Variants in SLCO6A1 observed in about 807,000 individuals in gnomAD.
SLCO6A1 encodes the protein solute carrier organic anion transporter family member 6A1.
In SLCO6A1, 65 loss-of-function variants were observed where a neutral mutation model predicts 72.7. That is an observed-to-expected ratio of 0.89 (90% CI 0.73 to 1.10). The LOEUF (loss-of-function observed/expected upper bound fraction) is 1.10, where lower values mean the gene tolerates loss of function less well. SLCO6A1 is among the 50% of genes least tolerant of loss of function. SLCO6A1 has a pLI of 0.00. For missense variants in SLCO6A1, 874 were observed against 872.6 expected, an observed-to-expected ratio of 1.00 and a Z score of -0.02; for synonymous variants, 314 against 298.2, an observed-to-expected ratio of 1.05 and a Z score of -0.55.
chr5:102,383,610 A>G (rs1746246212), intron 12 of SLCO6A1, among the ~76,000 whole-genome samples: 1 of 151,804 alleles, frequency 6.6e-6, no homozygotes, highest in East Asian at 1.9e-4. Context: ...TATTTTCTTG[A>G]GGATTTCAGC....
chr5:102,396,787 T>C (rs1747108561), intron 10 of SLCO6A1, among the ~76,000 whole-genome samples: 2 of 152,182 alleles, frequency 1.3e-5, no homozygotes, highest in South Asian at 2.1e-4. Context: ...TGACATCTTA[T>C]ATAAATGTAA....
intron 6 of SLCO6A1, among the ~76,000 whole-genome samples, chr5:102,452,309 A>G (rs910389794): frequency 6.6e-6 from 1 of 151,980 alleles, no homozygotes; most frequent in African/African-American, 2.4e-5. Context: ...TCCAGGATTT[A>G]TTTTTTTGCT....
intron 12 of SLCO6A1, among the ~76,000 whole-genome samples, chr5:102,377,803 C>G (rs1375676563): frequency 6.6e-6 from 1 of 151,646 alleles, no homozygotes; most frequent in Non-Finnish European, 1.5e-5. Flanking sequence ...TCCCGAGTAT[C>G]TGGGACTATA....
chr5:102,433,752 C>T (rs1749348114), intron 7 of SLCO6A1, among the ~76,000 whole-genome samples: 2 of 152,140 alleles, frequency 1.3e-5, no homozygotes, highest in South Asian at 4.1e-4. Context: ...CCAGCAACAG[C>T]AGCAGCGGCA....
intron 12 of SLCO6A1, among the ~76,000 whole-genome samples, chr5:102,385,603 T>G (rs1746367765): frequency 6.6e-6 from 1 of 152,174 alleles, no homozygotes; most frequent in Admixed American, 6.5e-5. Context: ...AAGTTCTCTA[T>G]GAAATTTTTC....
intron 4 of SLCO6A1, among the ~76,000 whole-genome samples, chr5:102,460,077 T>TTA (rs397719420): frequency 6.6e-6 from 1 of 152,078 alleles, no homozygotes; most frequent in Non-Finnish European, 1.5e-5. Flanking sequence ...AACTTTTTTT[T>TTA]ATCCACCAGA....
Position 102,477,764 on chromosome 5 carries a change from C to T in SLCO6A1, c.714G>A (p.Val238=). 6.2e-7 allele frequency: 1 copy of T among 1,613,738 alleles called. No homozygotes were observed. Among genetic ancestry groups the T allele is most frequent in the Non-Finnish European group, 8.5e-7 (1 of 1,179,804 alleles). ...YLSFFILGQT[V]QGIAGMPLYI... is the part of the protein sequence containing the mutation. ...AAAGAGGCATTCCTGCTATTCCCTG[C>T]ACAGTCTGCCCAAGGATGAAGAAAG... Residue 238 remains valine (V), a synonymous_variant, in exon 3 of 14, where the codon GTG becomes GTA. Coordinates refer to ENST00000506729, the MANE Select transcript of SLCO6A1 (RefSeq NM_173488.5).
At chr5:102,446,478 A>G (rs10223273) in intron 6 of SLCO6A1, among the ~76,000 whole-genome samples, 96,837 of 151,992 alleles carry the variant, frequency 0.64, 31,032 homozygotes, top group African/African-American at 0.66. Flanking sequence ...GGAAGATACT[A>G]TGGGGCTTTC....
chr5:102,477,285 C>A (rs1424281365), intron 3 of SLCO6A1, among the ~76,000 whole-genome samples: 1 of 151,964 alleles, frequency 6.6e-6, no homozygotes, highest in Admixed American at 6.6e-5. Context: ...CCATGCCCAG[C>A]TAATTTTTTT....
At chr5:102,382,868 T>A (rs537256988) in intron 12 of SLCO6A1, among the ~76,000 whole-genome samples, 4 of 150,972 alleles carry the variant, frequency 2.6e-5, no homozygotes, top group African/African-American at 7.3e-5. Context: ...GTTTTAACAG[T>A]TTTTTGGTGG....
At chr5:102,440,594 T>C (rs6871966) in intron 6 of SLCO6A1, among the ~76,000 whole-genome samples, 98,347 of 151,930 alleles carry the variant, frequency 0.65, 32,030 homozygotes, top group African/African-American at 0.67. Flanking sequence ...AGCGCCTCCA[T>C]CCCAGAAAAA....
At chr5:102,392,981 A>G (rs899129557) in intron 10 of SLCO6A1, among the ~76,000 whole-genome samples, 9 of 152,124 alleles carry the variant, frequency 5.9e-5, no homozygotes, top group African/African-American at 2.2e-4. Context: ...TCAAGCCCAA[A>G]TCTTGGAAAA....
At chr5:102,459,881 T>G in intron 4 of SLCO6A1, 104 bp from the exon 5 acceptor site, 109 of 884,572 alleles carry the variant, frequency 1.2e-4, no homozygotes, top group East Asian at 1.2e-4. Context: ...GAGGGAGGGT[T>G]GGAGAGTGAG....
chr5:102,482,465 A>G (rs555261908), intron 1 of SLCO6A1, among the ~76,000 whole-genome samples: 219 of 152,268 alleles, frequency 1.4e-3, no homozygotes, highest in African/African-American at 5.0e-3. Flanking sequence ...ATCGCAGATA[A>G]CATACATAGA....
intron 6 of SLCO6A1, among the ~76,000 whole-genome samples, chr5:102,452,749 A>G (rs568966235): frequency 6.6e-6 from 1 of 152,282 alleles, no homozygotes; most frequent in Non-Finnish European, 1.5e-5. Flanking sequence ...ATTCATTACA[A>G]GAAAAGACTA....
chr5:102,497,982 A>C (rs1752982409), intron 1 of SLCO6A1, among the ~76,000 whole-genome samples: 1 of 152,126 alleles, frequency 6.6e-6, no homozygotes, highest in African/African-American at 2.4e-5. Context: ...TGGATGGTTG[A>C]GCTGACACCA....
At position 102,461,363 on chromosome 5, in the gene SLCO6A1, T is replaced by C. The variant is rs187601299; in HGVS notation, c.900-1586A>G. On this transcript the variant is annotated intron_variant, in intron 4 of 13. Coordinates refer to ENST00000506729, the MANE Select transcript of SLCO6A1 (RefSeq NM_173488.5). ...ATGTATAAAAAGATAACAGTCCTAA[T>C]GTGGCCCACAAATTCAAGTAATTCA... is the stretch of plus-strand genomic sequence containing the variant. Among the ~76,000 whole-genome samples, 320 of 152,182 alleles carry C rather than the reference T, an allele frequency of 2.1e-3. 1 individual carries two copies. The highest frequency in any genetic ancestry group is 7.0e-3 in the African/African-American group (292 of 41,566).
intron 12 of SLCO6A1, among the ~76,000 whole-genome samples, chr5:102,386,944 G>A (rs1746450931): frequency 6.6e-6 from 1 of 152,184 alleles, no homozygotes; most frequent in South Asian, 2.1e-4. Flanking sequence ...GAAGGGTGAT[G>A]CAGGTCATGT....
At chr5:102,382,033 G>T (rs1329864814) in intron 12 of SLCO6A1, among the ~76,000 whole-genome samples, 1 of 151,556 alleles carries the variant, frequency 6.6e-6, no homozygotes, top group Non-Finnish European at 1.5e-5. Flanking sequence ...TTACTCTGTT[G>T]ACTGTTTCCA....
Sources: allele counts gnomAD v4.1 joint callset (sites outside exome capture counted in the v4.1 genomes callset), GRCh38; gene constraint gnomAD v4.1.1; transcripts MANE v1.5; gene names NCBI Gene and HGNC (gene_info 2026-07-23, HGNC 2026-07-21).